Variants in ESR1 observed in about 807,000 individuals in gnomAD.
The protein encoded by ESR1 is estrogen receptor 1, also known as estrogen receptor.
Under a neutral mutation model 52.7 loss-of-function variants are expected in ESR1, and 12 were observed. The ratio of observed to expected loss-of-function variants is 0.23; its 90% CI spans 0.15 to 0.37. ESR1 has a LOEUF of 0.37. ESR1 is among the 10% of genes least tolerant of loss of function. The pLI is 1.00. For synonymous variants in ESR1, 305 were observed against 316.8 expected (o/e 0.96, Z 0.39); for missense variants, 584 against 779.7 (o/e 0.75, Z 2.99).
intron 1 of ESR1, among the ~76,000 whole-genome samples, chr6:151,670,272 C>T (rs780694763): frequency 5.9e-5 from 9 of 152,172 alleles, no homozygotes; most frequent in African/African-American, 1.4e-4. Flanking sequence ...CTTTAAATTC[C>T]GAAGTCCTTC....
chr6:152,078,158 C>T (rs939207677), intron 6 of ESR1, among the ~76,000 whole-genome samples: 1 of 152,142 alleles, frequency 6.6e-6, no homozygotes, highest in African/African-American at 2.4e-5. Context: ...CTATACTGTT[C>T]TTGTGGTAGT....
intron 1 of ESR1, among the ~76,000 whole-genome samples, chr6:151,695,896 C>A (rs749769754): frequency 3.3e-5 from 5 of 152,110 alleles, no homozygotes; most frequent in Non-Finnish European, 5.9e-5. Flanking sequence ...ACACAAATTG[C>A]TCTTTCTTTC....
intron 4 of ESR1, among the ~76,000 whole-genome samples, chr6:151,972,784 G>A (rs866949127): frequency 6.6e-6 from 1 of 152,156 alleles, no homozygotes; most frequent in Non-Finnish European, 1.5e-5. Flanking sequence ...TAGGCCGTCT[G>A]CAAGCTGAAG....
chr6:152,075,519 A>G (rs997038659), intron 6 of ESR1, among the ~76,000 whole-genome samples: 2 of 152,218 alleles, frequency 1.3e-5, no homozygotes, highest in South Asian at 2.1e-4. Context: ...CCTAAAGAAT[A>G]TGCACCATTC....
At chr6:152,122,205 G>A in intron 6 of ESR1, 1 of 641,454 alleles carries the variant, frequency 1.6e-6, no homozygotes, top group South Asian at 1.9e-5. Context: ...AAGGTTCAGA[G>A]TCTCAAACCA....
chr6:152,080,672 A>G lies in ESR1; in HGVS notation c.1370-13713A>G, dbSNP rs141022830. ...ATAACAATATTAACCTTAAATGTAA[A>G]TGGGCTAAATGCTCCAATTAAAAGA... On this transcript the variant is annotated intron_variant, in intron 6 of 7. Coordinates refer to ENST00000206249, the MANE Select transcript of ESR1 (RefSeq NM_000125.4). 6.8e-3 allele frequency among the ~76,000 whole-genome samples: 1,032 copies of G among 152,350 alleles called. 12 individuals carry two copies. The highest frequency in any genetic ancestry group is 0.023 in the African/African-American group (973 of 41,578).
intron 6 of ESR1, among the ~76,000 whole-genome samples, chr6:152,113,558 G>A (rs1019591539): frequency 1.3e-5 from 2 of 151,796 alleles, no homozygotes; most frequent in African/African-American, 4.9e-5. Flanking sequence ...CATTTGTGAA[G>A]AGGGAAGATC....
intron 3 of ESR1, among the ~76,000 whole-genome samples, chr6:151,927,622 A>T (rs1228663032): frequency 6.6e-6 from 1 of 152,172 alleles, no homozygotes; most frequent in Non-Finnish European, 1.5e-5. Context: ...TCGTGAGCAT[A>T]GAGTTGTTCA....
intron 2 of ESR1, among the ~76,000 whole-genome samples, chr6:151,711,224 CTT>C (rs772347500): frequency 7.7e-5 from 11 of 142,320 alleles, no homozygotes; most frequent in Admixed American, 2.1e-4. Flanking sequence ...TGTTTCCTGA[CTT>C]TTTTTTTTTT....
chr6:151,691,392 G>C (rs767217867), intron 1 of ESR1, among the ~76,000 whole-genome samples: 4 of 152,210 alleles, frequency 2.6e-5, no homozygotes, highest in Non-Finnish European at 4.4e-5. Context: ...ATTTTGGTTA[G>C]AGGAATGCCA....
intron 1 of ESR1, among the ~76,000 whole-genome samples, chr6:151,664,639 G>A (rs957943422): frequency 1.3e-5 from 2 of 152,142 alleles, no homozygotes; most frequent in African/African-American, 4.8e-5. Flanking sequence ...GATGAAAACC[G>A]TTAACAGTGT....
At chr6:151,689,672 G>A (rs191313267), upstream of ESR1, among the ~76,000 whole-genome samples, 225 of 152,260 alleles carry the variant, frequency 1.5e-3, 2 homozygotes, top group South Asian at 0.015. Context: ...CTGGGACAGA[G>A]AGAAATACAG....
intron 3 of ESR1, among the ~76,000 whole-genome samples, chr6:151,904,261 G>A (rs1797113242): frequency 6.6e-6 from 1 of 151,992 alleles, no homozygotes; most frequent in Non-Finnish European, 1.5e-5. Context: ...ACTCCTTTAG[G>A]GAGTAGTAAA....
At chr6:152,012,828 C>T (rs749273197) in intron 5 of ESR1, among the ~76,000 whole-genome samples, 1 of 152,226 alleles carries the variant, frequency 6.6e-6, no homozygotes, top group Non-Finnish European at 1.5e-5. Flanking sequence ...CAGTCTAAGG[C>T]TGCCAGGCTG....
chr6:151,929,570 C>G (rs1386976097), intron 3 of ESR1, among the ~76,000 whole-genome samples: 1 of 152,018 alleles, frequency 6.6e-6, no homozygotes, highest in Non-Finnish European at 1.5e-5. Flanking sequence ...CACATGTATA[C>G]TTATGGAACA....
At chr6:151,993,207 TCC>T (rs1280634628) in intron 4 of ESR1, among the ~76,000 whole-genome samples, 2 of 152,126 alleles carry the variant, frequency 1.3e-5, no homozygotes, top group Non-Finnish European at 2.9e-5. Flanking sequence ...TACAAAGTTG[TCC>T]TGGGCAACTG....
At chr6:152,063,342 C>T (rs1318710466) in intron 6 of ESR1, among the ~76,000 whole-genome samples, 1 of 152,182 alleles carries the variant, frequency 6.6e-6, no homozygotes, top group Non-Finnish European at 1.5e-5. Flanking sequence ...CTCCTCTTTT[C>T]TATCAAGGAC....
At chr6:151,760,918 A>C (rs966355404) in intron 2 of ESR1, among the ~76,000 whole-genome samples, 4 of 152,138 alleles carry the variant, frequency 2.6e-5, no homozygotes, top group Non-Finnish European at 5.9e-5. Context: ...TATGATTGAG[A>C]CCTTTTTGGA....
chr6:151,930,021 T>C (rs2033355312), intron 3 of ESR1, among the ~76,000 whole-genome samples: 1 of 152,076 alleles, frequency 6.6e-6, no homozygotes, highest in African/African-American at 2.4e-5. Flanking sequence ...TTTCCTCTTG[T>C]TGCCCAGGCG....
Sources: gnomAD v4.1 joint callset for allele counts (sites outside exome capture counted in the v4.1 genomes callset) on GRCh38, gnomAD v4.1.1 for gene constraint, MANE v1.5 for transcripts, NCBI Gene and HGNC (gene_info 2026-07-23, HGNC 2026-07-21) for gene names.